The following PCM1 variants were observed in gnomAD, a reference collection of about 807,000 sequenced individuals.
PCM1 encodes the protein pericentriolar material 1.
A neutral mutation model predicts 241.9 loss-of-function variants in PCM1; 157 were observed. The observed-to-expected ratio is 0.65, with a 90% CI of 0.57 to 0.74. PCM1 has a LOEUF of 0.74. PCM1 is among the 30% of genes least tolerant of loss of function. PCM1 has a pLI of 0.00. For missense variants in PCM1, 3,478 were observed against 2,360.1 expected (o/e 1.47, Z -9.81); for synonymous variants, 1,085 against 784.9 (o/e 1.38, Z -6.39).
intron 23 of PCM1, among the ~76,000 whole-genome samples, chr8:17,978,412 A>C (rs1224895240): frequency 1.3e-5 from 2 of 152,120 alleles, no homozygotes; most frequent in Non-Finnish European, 2.9e-5. Context: ...ACAAACACCT[A>C]TGCAGAGTCT....
chr8:17,963,614 C>T (rs1351707325), intron 17 of PCM1, among the ~76,000 whole-genome samples: 2 of 152,172 alleles, frequency 1.3e-5, no homozygotes, highest in African/African-American at 4.8e-5. Context: ...GCTTTTCTGT[C>T]AGGCCAGAAA....
At chr8:17,998,417 G>A (rs992567012) in intron 29 of PCM1, among the ~76,000 whole-genome samples, 16 of 152,232 alleles carry the variant, frequency 1.1e-4, no homozygotes, top group African/African-American at 3.1e-4. Context: ...GACTCATAGC[G>A]GTATACCACT....
intron 22 of PCM1, among the ~76,000 whole-genome samples, chr8:17,970,105 C>A (rs759325547): frequency 4.6e-5 from 7 of 152,040 alleles, no homozygotes; most frequent in Non-Finnish European, 8.8e-5. Context: ...TGATTCCTAG[C>A]TCTTGATTAG....
rs1300929374 is a variant in PCM1, at chr8:18,002,069, T to C, written c.4828-4194T>C. 7.4e-5 allele frequency among the ~76,000 whole-genome samples: 5 copies of C among 67,548 alleles called. 2 individuals carry two copies. Among genetic ancestry groups the C allele is most frequent in the African/African-American group, 5.6e-4 (4 of 7,142 alleles). 44.3% of individuals were successfully genotyped at this position (67,548 alleles called of 152,430 possible). A position where few individuals can be genotyped will look rare whatever the true frequency, so the allele number is the denominator to read the frequency against. On this transcript the variant is annotated intron_variant, in intron 29 of 38. Coordinates refer to ENST00000325083, the MANE Select transcript of PCM1 (RefSeq NM_006197.4). Reference sequence around the variant, plus strand: ...ATCTGTTAAATTTTTTTTTTCTTTTTTTTTTTTTCTTTTTTTTATTATACT... The same window carrying C: ...ATCTGTTAAATTTTTTTTTTCTTTTCTTTTTTTTCTTTTTTTTATTATACT...
chr8:17,957,829 G>A, intron 13 of PCM1, 54 bp downstream of exon 13: 1 of 1,186,160 alleles, frequency 8.4e-7, no homozygotes, highest in Non-Finnish European at 1.2e-6. Flanking sequence ...ACAGTCTTAA[G>A]TAAAATTTGT....
intron 36 of PCM1, among the ~76,000 whole-genome samples, chr8:18,023,824 T>TAACA (rs1434227122): frequency 6.6e-6 from 1 of 152,232 alleles, no homozygotes; most frequent in Non-Finnish European, 1.5e-5. Flanking sequence ...TCAGGGAAGC[T>TAACA]AACACTGTGT....
intron 31 of PCM1, among the ~76,000 whole-genome samples, chr8:18,010,242 A>C (rs1312465064): frequency 1.3e-5 from 2 of 152,190 alleles, no homozygotes; most frequent in Non-Finnish European, 2.9e-5. Context: ...TTCTGCCTCA[A>C]GTTGAGGCAT....
intron 4 of PCM1, among the ~76,000 whole-genome samples, chr8:17,937,720 G>C (rs1055325702): frequency 2.6e-5 from 4 of 152,076 alleles, no homozygotes; most frequent in African/African-American, 9.7e-5. Flanking sequence ...ATATATCATT[G>C]GCTAAGTGTG....
At chr8:17,980,387 T>C (rs2080291334) in intron 23 of PCM1, 2 of 407,356 alleles carry the variant, frequency 4.9e-6, no homozygotes, top group South Asian at 1.8e-4. Flanking sequence ...ACAGTGAAGG[T>C]TAGATTTATT....
chr8:17,965,458 G>C (rs758861246), intron 18 of PCM1, among the ~76,000 whole-genome samples: 1 of 152,214 alleles, frequency 6.6e-6, no homozygotes, highest in Non-Finnish European at 1.5e-5. Flanking sequence ...AGAACAGATA[G>C]ATATTTTATT....
chr8:17,933,994 A>G (rs2299585), intron 2 of PCM1, among the ~76,000 whole-genome samples: 3 of 151,972 alleles, frequency 2.0e-5, no homozygotes, highest in Admixed American at 6.6e-5. Flanking sequence ...GGAAGGGTCA[A>G]TGTATTTGTG....
intron 2 of PCM1, among the ~76,000 whole-genome samples, chr8:17,933,186 T>C (rs182132030): frequency 5.9e-5 from 9 of 152,352 alleles, no homozygotes; most frequent in African/African-American, 9.6e-5. Flanking sequence ...GTGTTTGGCA[T>C]GTGGTAAGCA....
chr8:17,950,094 TTGTC>T (rs2065449757), intron 7 of PCM1, among the ~76,000 whole-genome samples: 1 of 152,144 alleles, frequency 6.6e-6, no homozygotes, highest in Non-Finnish European at 1.5e-5. Flanking sequence ...TTTGTTTACA[TTGTC>T]TGTGGTTGCT....
At chr8:17,958,317 C>T (rs1322694816) in intron 13 of PCM1, among the ~76,000 whole-genome samples, 1 of 151,990 alleles carries the variant, frequency 6.6e-6, no homozygotes, top group African/African-American at 2.4e-5. Context: ...AAAAGAAAAA[C>T]CATATGTTAT....
chr8:17,957,350 T>A lies in PCM1; in HGVS notation c.1733T>A (p.Val578Asp), dbSNP rs1419100179. Reference sequence around the variant, plus strand: ...TCTAATAATAGAGATGGGCGAACAGTTAATTCTAATTGTGAAATTAACAAC... The same window carrying A: ...TCTAATAATAGAGATGGGCGAACAGATAATTCTAATTGTGAAATTAACAAC... ...CVSNNRDGRT[V>D]NSNCEINNRS... is the part of the protein sequence containing the mutation. The change falls in exon 12 of 39, where the codon GTT becomes GAT. Residue 578 changes from valine to aspartate, a missense_variant. Val to Asp is a radical substitution (Grantham distance 152). Transcript: ENST00000325083. 3.1e-6 allele frequency: 5 copies of A among 1,612,204 alleles called. No homozygotes were observed. The highest frequency in any genetic ancestry group is 1.3e-5 in the African/African-American group (1 of 74,914).
chr8:17,966,426 G>A lies in PCM1; in HGVS notation c.3174G>A (p.Leu1058=). 1 of 1,613,476 alleles carries A rather than the reference G, an allele frequency of 6.2e-7. No individual in the cohort carries two copies. The highest frequency in any genetic ancestry group is 8.5e-7 in the Non-Finnish European group (1 of 1,179,516). ...SPQVHFIMHQ[L]NQCYTQLTWQ... ...AAGTACACTTCATAATGCACCAGTT[G>A]AACCAGTGCTATACTCAGCTAACAT... The change falls in exon 20 of 39, where the codon TTG becomes TTA. Residue 1058 remains leucine, a synonymous_variant. Coordinates refer to ENST00000325083, the MANE Select transcript of PCM1 (RefSeq NM_006197.4).
chr8:17,952,783 A>T (rs144838455), intron 8 of PCM1, among the ~76,000 whole-genome samples, 187 bp from the exon 9 acceptor site: 9 of 152,098 alleles, frequency 5.9e-5, no homozygotes, highest in Non-Finnish European at 8.8e-5. Flanking sequence ...ATGACTTCAT[A>T]TGTTAATAGT....
At chr8:18,017,008 C>T (rs2093285882) in intron 36 of PCM1, among the ~76,000 whole-genome samples, 1 of 152,188 alleles carries the variant, frequency 6.6e-6, no homozygotes, top group Admixed American at 6.5e-5. Flanking sequence ...TGATTTCTGT[C>T]AGTTTCTACG....
In PCM1 at chr8:17,988,789, T is replaced by C. The variant is rs1026437746; in HGVS notation, c.4411-1070T>C. ...AATACCACTTCACATCAAGAATGGC[T>C]AAAATGAAAAGATTGACAATAAGAA... On this transcript the variant is annotated intron_variant, in intron 26 of 38. Coordinates refer to ENST00000325083, the MANE Select transcript of PCM1 (RefSeq NM_006197.4). Among the ~76,000 whole-genome samples, 5 of 152,032 alleles carry C rather than the reference T, an allele frequency of 3.3e-5. No individual in the cohort carries two copies. The South Asian group carries it at 6.2e-4, about 19-fold the overall frequency.
Sources: allele counts gnomAD v4.1 joint callset (sites outside exome capture counted in the v4.1 genomes callset), GRCh38; gene constraint gnomAD v4.1.1; transcripts MANE v1.5; gene names NCBI Gene and HGNC (gene_info 2026-07-23, HGNC 2026-07-21).